The following SRRM3 variants were observed in gnomAD, a reference collection of about 807,000 sequenced individuals.
The protein encoded by SRRM3 is serine/arginine repetitive matrix 3, also known as serine/arginine repetitive matrix protein 3.
SRRM3 carries 27 observed loss-of-function variants against 66.2 expected under a neutral mutation model. The ratio of observed to expected loss-of-function variants is 0.41; its 90% CI spans 0.30 to 0.56. The LOEUF (loss-of-function observed/expected upper bound fraction) is 0.56, where lower values mean the gene tolerates loss of function less well. Among genes scored for constraint, SRRM3 ranks in the 20% least tolerant of loss-of-function variants. The pLI is 0.32. For missense variants in SRRM3, 918 were observed against 991.9 expected, an observed-to-expected ratio of 0.93 and a Z score of 1.00; for synonymous variants, 391 against 414.9, an observed-to-expected ratio of 0.94 and a Z score of 0.70.
chr7:76,261,300 G>GCCCCCCC, intron 6 of SRRM3, 52 bp from the exon 7 acceptor site: 1 of 519,212 alleles, frequency 1.9e-6, no homozygotes, highest in Non-Finnish European at 3.3e-6. Context: ...GCCATTTCCA[G>GCCCCCCC]CCCCCCACCC....
At position 76,235,227 on chromosome 7, in the gene SRRM3, T is replaced by C; in HGVS notation, c.161T>C (p.Ile54Thr). The C allele has an allele frequency of 6.4e-7, 1 of 1,555,046 alleles. No individual in the cohort carries two copies. Among genetic ancestry groups the C allele is most frequent in the Non-Finnish European group, 8.6e-7 (1 of 1,159,092 alleles). The change falls in exon 2 of 15, where the codon ATC becomes ACC. Residue 54 changes from isoleucine (I) to threonine (T), a missense_variant. By Grantham distance (89) the Ile-to-Thr change is moderately conservative. Coordinates refer to ENST00000611745, the MANE Select transcript of SRRM3 (RefSeq NM_001110199.3). ...CTGGTGAAGCGCGCGCACCGCGAGA[T>C]CCTGGACCACGAGCGCAAGCGGCGG... ...PGLVKRAHRE[I>T]LDHERKRRVE...
intron 1 of SRRM3, among the ~76,000 whole-genome samples, chr7:76,228,587 A>C (rs1189128863): frequency 3.3e-5 from 5 of 152,020 alleles, no homozygotes; most frequent in African/African-American, 1.2e-4. Flanking sequence ...AGCCGGGTGT[A>C]GTGGTGTGCA....
At chr7:76,281,408 C>A (rs113939634) in intron 11 of SRRM3, 33 bp from the exon 12 acceptor site, 29 of 1,216,058 alleles carry the variant, frequency 2.4e-5, no homozygotes, top group South Asian at 4.1e-5. Context: ...CCCTCTCCCC[C>A]CTCCGTGCCC....
chr7:76,248,356 A>G, intron 3 of SRRM3, 67 bp downstream of exon 3: 2 of 1,243,892 alleles, frequency 1.6e-6, no homozygotes, highest in South Asian at 2.6e-5. Context: ...TGGGTACTAA[A>G]GGGGCCTGTC....
intron 1 of SRRM3, among the ~76,000 whole-genome samples, chr7:76,229,125 C>T (rs1554604029): frequency 1.3e-5 from 2 of 151,972 alleles, no homozygotes; most frequent in African/African-American, 4.8e-5. Flanking sequence ...GTCTCGATCT[C>T]CTGACCTCGT....
intron 1 of SRRM3, among the ~76,000 whole-genome samples, chr7:76,206,711 C>T (rs1217836530): frequency 6.6e-6 from 1 of 152,202 alleles, no homozygotes; most frequent in African/African-American, 2.4e-5. Flanking sequence ...TGTACATTGG[C>T]TCCAGAGCAG....
At chr7:76,255,148 C>CTTTCTTTTTT (rs1447372520) in intron 3 of SRRM3, among the ~76,000 whole-genome samples, 33 of 83,166 alleles carry the variant, frequency 4.0e-4, no homozygotes, top group African/African-American at 2.0e-3. Context: ...TTCTTTCTTT[C>CTTTCTTTTTT]TTTTTTTTTT....
chr7:76,210,088 C>T (rs1434790542), intron 1 of SRRM3, among the ~76,000 whole-genome samples: 1 of 152,138 alleles, frequency 6.6e-6, no homozygotes, highest in Non-Finnish European at 1.5e-5. Flanking sequence ...TTCATGTGGG[C>T]AGGAGGTGAT....
chr7:76,267,458 A>G, intron 11 of SRRM3, 23 bp downstream of exon 11: 1 of 1,221,954 alleles, frequency 8.2e-7, no homozygotes, highest in Non-Finnish European at 1.0e-6. Context: ...CGCTTTGCGG[A>G]GGGTTCCCGC....
At chr7:76,203,912 C>A (rs1454888577) in intron 1 of SRRM3, among the ~76,000 whole-genome samples, 1 of 152,016 alleles carries the variant, frequency 6.6e-6, no homozygotes, top group Non-Finnish European at 1.5e-5. Flanking sequence ...GCATACAGTG[C>A]AGTAAGGAGG....
At chr7:76,230,637 A>C (rs1554604154) in intron 1 of SRRM3, among the ~76,000 whole-genome samples, 1 of 151,592 alleles carries the variant, frequency 6.6e-6, no homozygotes, top group African/African-American at 2.4e-5. Flanking sequence ...CAACAGATTG[A>C]GAGTCAGGAA....
intron 1 of SRRM3, among the ~76,000 whole-genome samples, chr7:76,219,547 C>T (rs1363103751): frequency 6.6e-6 from 1 of 152,198 alleles, no homozygotes; most frequent in Non-Finnish European, 1.5e-5. Flanking sequence ...AATCTTTGCT[C>T]CAGGAACCCA....
chr7:76,278,504 A>T (rs1219177459), intron 11 of SRRM3, among the ~76,000 whole-genome samples: 7 of 151,920 alleles, frequency 4.6e-5, no homozygotes, highest in African/African-American at 1.7e-4. Context: ...ATAAAAAAAT[A>T]AAAATGAAAG....
At chr7:76,213,672 T>C (rs2116944238) in intron 1 of SRRM3, among the ~76,000 whole-genome samples, 1 of 152,276 alleles carries the variant, frequency 6.6e-6, no homozygotes, top group Non-Finnish European at 1.5e-5. Flanking sequence ...TCAGGGTTTC[T>C]CTGTAGCTTG....
chr7:76,282,672 G>C lies in SRRM3; in HGVS notation c.1395G>C (p.Ala465=). 1 of 1,393,686 alleles carries C rather than the reference G, an allele frequency of 7.2e-7. No individual in the cohort carries two copies. Among genetic ancestry groups the C allele is most frequent in the Non-Finnish European group, 9.3e-7 (1 of 1,080,504 alleles). 86.3% of individuals were successfully genotyped at this position (1,393,686 alleles called of 1,614,324 possible). Residue 465 remains alanine, a synonymous_variant, in exon 13 of 15, where the codon GCG becomes GCC. Coordinates refer to ENST00000611745, the MANE Select transcript of SRRM3 (RefSeq NM_001110199.3). ...GGGCCAAGGAGCGGCCCCCGCGCGC[G>C]CGGCCCGCCAGCACCTCTCCGTCCC... The part of the protein sequence containing the change: ...GKRAKERPPR[A]RPASTSPSPG...
At chr7:76,225,043 C>A (rs113883050) in intron 1 of SRRM3, among the ~76,000 whole-genome samples, 1,863 of 152,270 alleles carry the variant, frequency 0.012, 32 homozygotes, top group African/African-American at 0.04. Context: ...AACCCTCAGG[C>A]CTTCCGAAAG....
chr7:76,281,867 CGGATCCCTGCCCACG>C (rs1402407591), intron 12 of SRRM3, 65 bp downstream of exon 12: 8 of 1,103,566 alleles, frequency 7.2e-6, no homozygotes, highest in African/African-American at 3.5e-5. Flanking sequence ...CCTCCACTAG[CGGATCCCTGCCCACG>C]GGATCCCTCC....
chr7:76,242,400 G>A (rs1480308809), intron 2 of SRRM3, among the ~76,000 whole-genome samples: 5 of 151,916 alleles, frequency 3.3e-5, no homozygotes, highest in African/African-American at 4.8e-5. Flanking sequence ...CAGGAGAATC[G>A]CTTGAACCGG....
At chr7:76,267,545 G>C in intron 11 of SRRM3, 110 bp downstream of exon 11, 3 of 419,996 alleles carry the variant, frequency 7.1e-6, no homozygotes, top group South Asian at 5.9e-5. Flanking sequence ...GGGGGCGGGG[G>C]CGGGGGCGGC....
Sources: gnomAD v4.1 joint callset for allele counts (sites outside exome capture counted in the v4.1 genomes callset) on GRCh38, gnomAD v4.1.1 for gene constraint, MANE v1.5 for transcripts, NCBI Gene and HGNC (gene_info 2026-07-23, HGNC 2026-07-21) for gene names.